The following BLTP2 variants were observed in gnomAD, a reference collection of about 807,000 sequenced individuals.
BLTP2 encodes U937-associated antigen.
chr17:28,633,984 C>T, the BLTP2 span: 125 of 1,613,912 alleles, frequency 7.7e-5, no homozygotes, highest in Non-Finnish European at 9.7e-5. Flanking sequence ...GATCTGACGC[C>T]GACGGGAGCA....
At chr17:28,632,294 C>T in the BLTP2 span, 2 of 1,475,016 alleles carry the variant, frequency 1.4e-6, no homozygotes, top group South Asian at 1.3e-5. Context: ...AGAGGTAAAG[C>T]TAAATCCTTC....
At chr17:28,634,156 C>T in the BLTP2 span, 1 of 1,323,460 alleles carries the variant, frequency 7.6e-7, no homozygotes. Flanking sequence ...CTATCTTTTT[C>T]CTCACCACTA....
At chr17:28,638,643 C>T in the BLTP2 span, 4 of 1,559,228 alleles carry the variant, frequency 2.6e-6, no homozygotes, top group African/African-American at 4.1e-5. Flanking sequence ...GGGGAAGGTT[C>T]TGCATAGGAA....
chr17:28,642,495 C>CA, the BLTP2 span: 2 of 635,844 alleles, frequency 3.1e-6, no homozygotes, highest in Non-Finnish European at 5.5e-6. Context: ...ACTAAAAATA[C>CA]AAAAAATTAG....
the BLTP2 span, chr17:28,620,184 G>A: frequency 1.3e-5 from 9 of 683,076 alleles, no homozygotes; most frequent in Non-Finnish European, 2.2e-5. Flanking sequence ...ATGTGGCAAT[G>A]TGGATTTCAC....
the BLTP2 span, among the ~76,000 whole-genome samples, chr17:28,632,699 T>A: frequency 6.6e-6 from 1 of 152,136 alleles, no homozygotes; most frequent in Non-Finnish European, 1.5e-5. Context: ...TCCAGAACTG[T>A]GAGAGATAAA....
the BLTP2 span, among the ~76,000 whole-genome samples, chr17:28,625,806 C>A: frequency 3.3e-5 from 5 of 152,156 alleles, no homozygotes; most frequent in Admixed American, 3.3e-4. Context: ...ACTCTTGTTG[C>A]CCAGGCTGGA....
chr17:28,617,601 C>T, the BLTP2 span, among the ~76,000 whole-genome samples: 7 of 152,172 alleles, frequency 4.6e-5, no homozygotes, highest in Non-Finnish European at 1.0e-4. Context: ...ATAAATAATA[C>T]TGCCTTCTTT....
At chr17:28,624,337 T>C in the BLTP2 span, 4 of 1,614,106 alleles carry the variant, frequency 2.5e-6, no homozygotes, top group Non-Finnish European at 3.4e-6. Context: ...TCCTCTTCTG[T>C]GAACACTACA....
the BLTP2 span, chr17:28,617,404 C>T: frequency 2.1e-6 from 2 of 967,702 alleles, no homozygotes; most frequent in African/African-American, 3.2e-5. Flanking sequence ...AGTTTGTTTT[C>T]AGGCTCTACA....
the BLTP2 span, chr17:28,634,502 G>T: frequency 1.2e-6 from 2 of 1,600,806 alleles, no homozygotes; most frequent in Non-Finnish European, 1.7e-6. Context: ...TGCAAATAAA[G>T]GAAACACTAC....
At chr17:28,638,303 G>A in the BLTP2 span, 27 of 1,613,390 alleles carry the variant, frequency 1.7e-5, no homozygotes, top group Non-Finnish European at 2.2e-5. Flanking sequence ...CATGCATATT[G>A]GGTGGGTGTG....
At chr17:28,642,073 GTCC>G in the BLTP2 span, 1 of 1,613,762 alleles carries the variant, frequency 6.2e-7, no homozygotes, top group Non-Finnish European at 8.5e-7. Context: ...CTAGGCAGGT[GTCC>G]TCCTGTGGGG....
chr17:28,631,886 C>T, the BLTP2 span: 2 of 1,614,034 alleles, frequency 1.2e-6, no homozygotes, highest in Admixed American at 1.7e-5. Flanking sequence ...ATCTGGATGC[C>T]CCGTTGCTGG....
chr17:28,628,532 T>C, the BLTP2 span: 1 of 1,613,836 alleles, frequency 6.2e-7, no homozygotes, highest in Non-Finnish European at 8.5e-7. Flanking sequence ...GTATGAAAGG[T>C]AGGATCCCCA....
the BLTP2 span, chr17:28,624,269 G>T: frequency 6.2e-7 from 1 of 1,614,210 alleles, no homozygotes; most frequent in Non-Finnish European, 8.5e-7. Context: ...AGTTTCGGTT[G>T]TATATGTCAT....
chr17:28,615,763 G>C, the BLTP2 span: 1 of 1,614,150 alleles, frequency 6.2e-7, no homozygotes, highest in Admixed American at 1.7e-5. Flanking sequence ...GCAGCACCAG[G>C]TTAAGGTCAC....
the BLTP2 span, chr17:28,639,845 AAG>A: frequency 1.9e-6 from 3 of 1,606,298 alleles, no homozygotes; most frequent in Non-Finnish European, 1.7e-6. Flanking sequence ...GGCATGAGCA[AAG>A]AGAGTATCTA....
At chr17:28,637,826 T>C in the BLTP2 span, 1 of 1,612,304 alleles carries the variant, frequency 6.2e-7, no homozygotes, top group South Asian at 1.1e-5. Flanking sequence ...AGACTCCTTG[T>C]CCCACTTACC....
Sources: gnomAD v4.1 joint callset for allele counts (sites outside exome capture counted in the v4.1 genomes callset) on GRCh38, gnomAD v4.1.1 for gene constraint, MANE v1.5 for transcripts, NCBI Gene and HGNC (gene_info 2026-07-23, HGNC 2026-07-21) for gene names.